ELMO1: variants seen among roughly 807,000 people sequenced by gnomAD.
ELMO1 encodes engulfment and cell motility 1.
ELMO1 carries 26 observed loss-of-function variants against 98.9 expected under a neutral mutation model. The ratio of observed to expected loss-of-function variants is 0.26; its 90% CI spans 0.19 to 0.36. The LOEUF (loss-of-function observed/expected upper bound fraction) is 0.36. Ranked by LOEUF, ELMO1 falls within the 10% of genes least tolerant of loss-of-function variation. The pLI, the probability that ELMO1 is intolerant of heterozygous loss-of-function variation, is 1.00. For synonymous variants in ELMO1, 346 were observed against 346.0 expected (o/e 1.00, Z 0.00); for missense variants, 627 against 935.2 (o/e 0.67, Z 4.30).
intron 4 of ELMO1, among the ~76,000 whole-genome samples, chr7:37,305,649 C>A (rs1798575127): frequency 6.6e-6 from 1 of 152,170 alleles, no homozygotes; most frequent in African/African-American, 2.4e-5. Flanking sequence ...ATTGAATTAA[C>A]CAACATCATA....
intron 5 of ELMO1, among the ~76,000 whole-genome samples, chr7:37,262,057 T>C (rs531849622): frequency 2.0e-5 from 3 of 152,342 alleles, no homozygotes; most frequent in African/African-American, 7.2e-5. Context: ...AAGTCAATAA[T>C]GTGGAAGCTA....
Position 36,854,712 on chromosome 7 carries a change from A to G in ELMO1, c.*839T>C, listed in dbSNP as rs928018482. On this transcript the variant is annotated 3_prime_UTR_variant, in exon 22 of 22. Transcript: ENST00000310758. The stretch of plus-strand genomic sequence containing the variant: ...CGCTTGGATAGCAACAGTCCGTCCT[A>G]GAGGCATTTAGGTTTAGTCTATTAG... The G allele has an allele frequency of 6.5e-6, 1 of 152,678 alleles. No homozygotes were observed. The highest frequency in any genetic ancestry group is 2.4e-5 in the African/African-American group (1 of 41,454). The allele number at this position is 152,678 out of a possible 1,614,324, so 9.5% of individuals were successfully genotyped here.
chr7:37,269,332 C>G (rs1045166115), intron 5 of ELMO1: 1 of 152,110 alleles, frequency 6.6e-6, no homozygotes, highest in Non-Finnish European at 1.5e-5. Flanking sequence ...TATTAAGGCC[C>G]CAGACATCAG....
At chr7:37,224,424 C>T (rs1203412766) in intron 9 of ELMO1, among the ~76,000 whole-genome samples, 1 of 152,124 alleles carries the variant, frequency 6.6e-6, no homozygotes, top group Admixed American at 6.5e-5. Flanking sequence ...TCACCTTGAG[C>T]ATAACTAAGA....
chr7:36,855,935 A>G lies in ELMO1; in HGVS notation c.1984-184T>C, dbSNP rs1802166682. Among the ~76,000 whole-genome samples the G allele has an allele frequency of 6.6e-6, 1 of 152,182 alleles. No individual in the cohort carries two copies. The highest frequency in any genetic ancestry group is 6.5e-5 in the Admixed American group (1 of 15,292). The stretch of plus-strand genomic sequence containing the variant: ...TCGATACTTCTGTTATCTCTGTTTT[A>G]TAGGTGAAGGAACTGAGGTACAGAG... On this transcript the variant is annotated intron_variant, in intron 21 of 21. Coordinates refer to ENST00000310758, the MANE Select transcript of ELMO1 (RefSeq NM_014800.11). This position sits in a 1 kb window ranked among gnomAD's most constrained non-coding sequence, Gnocchi z 4.2.
At chr7:37,073,572 A>ATGTG (rs10676771) in intron 15 of ELMO1, among the ~76,000 whole-genome samples, 1,616 of 146,466 alleles carry the variant, frequency 0.011, 8 homozygotes, top group Middle Eastern at 0.06. Context: ...TTGTTTTTGT[A>ATGTG]TGTGTGTGTG....
At chr7:37,024,093 T>C (rs1308190095) in intron 15 of ELMO1, among the ~76,000 whole-genome samples, 1 of 152,170 alleles carries the variant, frequency 6.6e-6, no homozygotes, top group Non-Finnish European at 1.5e-5. Flanking sequence ...CCTTTTCTCC[T>C]TCCTTCTGTC....
chr7:36,976,903 A>G (rs1790600167), intron 16 of ELMO1, among the ~76,000 whole-genome samples: 1 of 152,194 alleles, frequency 6.6e-6, no homozygotes, highest in Non-Finnish European at 1.5e-5. Context: ...CCAGTGTATT[A>G]GCTATAGATC....
At position 36,870,589 on chromosome 7, in the gene ELMO1, A is replaced by G; in HGVS notation, c.1823-114T>C. 1.0e-6 allele frequency: 1 copy of G among 966,982 alleles called. No individual in the cohort carries two copies. Among genetic ancestry groups the G allele is most frequent in the South Asian group, 1.7e-5 (1 of 58,312 alleles). 59.9% of individuals were successfully genotyped at this position (966,982 alleles called of 1,614,324 possible). On this transcript the variant is annotated intron_variant, in intron 19 of 21. Coordinates refer to ENST00000310758, the MANE Select transcript of ELMO1 (RefSeq NM_014800.11). The surrounding 1 kb of genome is among the most constrained non-coding windows in gnomAD (Gnocchi z 4.4). ...ACTGTGGTTACCATTCCCAGAAACT[A>G]CTGCAAAAAGAAGAGTGTTGAAAAG...
intron 1 of ELMO1, among the ~76,000 whole-genome samples, chr7:37,345,292 G>C (rs1000663267): frequency 5.3e-5 from 8 of 152,180 alleles, no homozygotes; most frequent in African/African-American, 1.9e-4. Context: ...AGCAACAAAG[G>C]ATATGAAGAA....
intron 19 of ELMO1, among the ~76,000 whole-genome samples, chr7:36,873,968 A>G (rs182433176): frequency 6.6e-6 from 1 of 152,318 alleles, no homozygotes. Flanking sequence ...CTGTGGGCAG[A>G]AATATGAGGA....
chr7:37,340,488 G>A (rs543845754), intron 2 of ELMO1, among the ~76,000 whole-genome samples: 2 of 152,330 alleles, frequency 1.3e-5, no homozygotes, highest in East Asian at 1.9e-4. Flanking sequence ...CTGAGGAAAC[G>A]TGACAATTCG....
intron 19 of ELMO1, among the ~76,000 whole-genome samples, chr7:36,872,311 T>G (rs927620090): frequency 6.6e-6 from 1 of 152,144 alleles, no homozygotes; most frequent in Admixed American, 6.5e-5. Context: ...TTCCTAGGGT[T>G]GGAAATAAAC....
chr7:37,137,964 C>G (rs1435789346), intron 13 of ELMO1, among the ~76,000 whole-genome samples: 2 of 152,118 alleles, frequency 1.3e-5, no homozygotes, highest in Non-Finnish European at 1.5e-5. Context: ...AATTAAATAA[C>G]CTGCTCCTGA....
At chr7:37,209,807 G>A (rs550217170) in intron 13 of ELMO1, among the ~76,000 whole-genome samples, 76 of 152,180 alleles carry the variant, frequency 5.0e-4, no homozygotes, top group South Asian at 3.7e-3. Flanking sequence ...ACAAGTACAG[G>A]AAACTCACCC....
At chr7:37,160,216 A>AT (rs1789105949) in intron 13 of ELMO1, among the ~76,000 whole-genome samples, 1 of 152,184 alleles carries the variant, frequency 6.6e-6, no homozygotes, top group African/African-American at 2.4e-5. Flanking sequence ...GCTGAAATAT[A>AT]TTTTCAACAA....
In ELMO1 at chr7:36,855,767, G is replaced by A; in HGVS notation, c.1984-16C>T. The A allele has an allele frequency of 6.2e-7, 1 of 1,613,726 alleles. No homozygotes were observed. Among genetic ancestry groups the A allele is most frequent in the South Asian group, 1.1e-5 (1 of 91,060 alleles). Reference sequence around the variant, plus strand: ...AGATACAGTACTGGCAGGAAGGGAGGCAACAGCGATCATTACTGGTGGCAA... The same window carrying A: ...AGATACAGTACTGGCAGGAAGGGAGACAACAGCGATCATTACTGGTGGCAA... On this transcript the variant is annotated splice_polypyrimidine_tract_variant and intron_variant, in intron 21 of 21. Coordinates refer to ENST00000310758, the MANE Select transcript of ELMO1 (RefSeq NM_014800.11). The surrounding 1 kb of genome is among the most constrained non-coding windows in gnomAD (Gnocchi z 4.2).
intron 13 of ELMO1, among the ~76,000 whole-genome samples, chr7:37,159,530 G>A (rs533895056): frequency 9.2e-5 from 14 of 152,100 alleles, no homozygotes; most frequent in Non-Finnish European, 1.0e-4. Context: ...GCAAAACTCC[G>A]TCTCTACTAA....
At chr7:37,139,432 C>G (rs980726056) in intron 13 of ELMO1, among the ~76,000 whole-genome samples, 3 of 152,106 alleles carry the variant, frequency 2.0e-5, no homozygotes, top group Admixed American at 2.0e-4. Flanking sequence ...CAACAGTGAT[C>G]AAGCTGAAAA....
Sources: gnomAD v4.1 joint callset for allele counts (sites outside exome capture counted in the v4.1 genomes callset) on GRCh38, gnomAD v4.1.1 for gene constraint, Gnocchi (gnomAD v3.1) non-coding constraint, MANE v1.5 for transcripts, NCBI Gene and HGNC (gene_info 2026-07-23, HGNC 2026-07-21) for gene names.